EDDM3B: variants seen among roughly 807,000 people sequenced by gnomAD.
EDDM3B encodes the protein epididymal protein 3B.
For synonymous variants in EDDM3B, 71 were observed against 59.1 expected, an observed-to-expected ratio of 1.20 and a Z score of -0.92; for missense variants, 189 against 178.3, an observed-to-expected ratio of 1.06 and a Z score of -0.34.
chr14:20,770,275 G>A lies in EDDM3B; in HGVS notation c.125G>A (p.Ser42Asn). The change falls in exon 2 of 2, where the codon AGT becomes AAT. Residue 42 changes from serine (S) to asparagine (N), a missense_variant. Ser to Asn is a conservative substitution (Grantham distance 46, BLOSUM62 1). Transcript: ENST00000326783. ...EFMKQHYLSP[S>N]REFREYKCDV... ...ATGAAACAGCACTACTTAAGTCCAA[G>A]TCGAGAATTCAGAGAGTACAAATGT... 1 of 1,614,174 alleles carries A rather than the reference G, an allele frequency of 6.2e-7. No individual in the cohort carries two copies. The highest frequency in any genetic ancestry group is 8.5e-7 in the Non-Finnish European group (1 of 1,180,022).
At position 20,770,214 on chromosome 14, in the gene EDDM3B, C is replaced by T; in HGVS notation, c.64C>T (p.Leu22Phe). ...CCTACTTTGCATCCTATGCACACTG[C>T]TTGTACAGAGCAAAGAAGTTTCTTG... The part of the protein sequence containing the change: ...LALLCILCTL[L>F]VQSKEVSWRE... The change falls in exon 2 of 2, where the codon CTT becomes TTT. Residue 22 changes from leucine to phenylalanine, a missense_variant. By Grantham distance (22) the Leu-to-Phe change is conservative. Transcript: ENST00000326783. The T allele has an allele frequency of 1.2e-6, 2 of 1,614,152 alleles. No homozygotes were observed. The highest frequency in any genetic ancestry group is 2.2e-5 in the South Asian group (2 of 91,082).
Position 20,770,430 on chromosome 14 carries a change from G to A in EDDM3B, c.280G>A (p.Val94Ile), listed in dbSNP as rs1349023390. The A allele has an allele frequency of 1.2e-6, 2 of 1,614,206 alleles. No homozygotes were observed. Among genetic ancestry groups the A allele is most frequent in the South Asian group, 1.1e-5 (1 of 91,086 alleles). Residue 94 changes from valine to isoleucine, a missense_variant, in exon 2 of 2, where the codon GTA becomes ATA. Val to Ile is a conservative substitution (Grantham distance 29). Coordinates refer to ENST00000326783, the MANE Select transcript of EDDM3B (RefSeq NM_022360.5). The stretch of plus-strand genomic sequence containing the variant: ...GATGGATCGCTTCCGAAATGCATAT[G>A]TATGGGTCCAGAATCCTCTCAAAGT... ...NWMDRFRNAY[V>I]WVQNPLKVLK...
chr14:20,770,621 G>A lies in EDDM3B; in HGVS notation c.*27G>A, dbSNP rs1878317175. On this transcript the variant is annotated 3_prime_UTR_variant, in exon 2 of 2. Coordinates refer to ENST00000326783, the MANE Select transcript of EDDM3B (RefSeq NM_022360.5). ...AAGTCTATGCACATCCTCAGGTATTGGTAGAGTATTCAGTGCTTTCTAAGT... is the reference window on the plus strand; with the variant it reads ...AAGTCTATGCACATCCTCAGGTATTAGTAGAGTATTCAGTGCTTTCTAAGT... The A allele has an allele frequency of 1.3e-6, 2 of 1,575,982 alleles. No homozygotes were observed. The highest frequency in any genetic ancestry group is 1.7e-6 in the Non-Finnish European group (2 of 1,158,358).
Position 20,770,053 on chromosome 14 carries a change from G to A in EDDM3B, c.-18-80G>A, listed in dbSNP as rs1255748227. On this transcript the variant is annotated intron_variant, in intron 1 of 1. Coordinates refer to ENST00000326783, the MANE Select transcript of EDDM3B (RefSeq NM_022360.5). ...TGCACCCAAGTGCCTGCCTGGTGGG[G>A]AAGGAATTTTAAGGTGGAGTTCAGC... 7 of 1,220,766 alleles carry A rather than the reference G, an allele frequency of 5.7e-6. No homozygotes were observed. The East Asian group carries it at 1.5e-4, about 26-fold the overall frequency. 75.6% of individuals were successfully genotyped at this position (1,220,766 alleles called of 1,614,324 possible). A position where few individuals can be genotyped will look rare whatever the true frequency, so the allele number is the denominator to read the frequency against.
At chr14:20,770,004 C>T in intron 1 of EDDM3B, 129 bp from the exon 2 acceptor site, 2 of 687,314 alleles carry the variant, frequency 2.9e-6, no homozygotes, top group Non-Finnish European at 4.8e-6. Flanking sequence ...AGCATCTTCT[C>T]ATCGGGGAAC....
At chr14:20,770,077 G>T in intron 1 of EDDM3B, 56 bp from the exon 2 acceptor site, 4 of 1,427,060 alleles carry the variant, frequency 2.8e-6, no homozygotes, top group South Asian at 1.4e-5. Flanking sequence ...GTGGAGTTCA[G>T]CTCTCTGGGC....
At position 20,770,712 on chromosome 14, in the gene EDDM3B, A is replaced by G. The variant is rs75274080; in HGVS notation, c.*118A>G. On this transcript the variant is annotated 3_prime_UTR_variant, in exon 2 of 2. Transcript: ENST00000326783. ...TTGCATTTATTTGTCAATGTTTTCCAAATACTTAGAGTTATGAATAGCATA... is the reference window on the plus strand; with the variant it reads ...TTGCATTTATTTGTCAATGTTTTCCGAATACTTAGAGTTATGAATAGCATA... 6,441 of 810,238 alleles carry G rather than the reference A, an allele frequency of 7.9e-3. 173 individuals are homozygous for G. In the East Asian group the frequency reaches 0.08, roughly 10 times the overall value. 50.2% of individuals were successfully genotyped at this position (810,238 alleles called of 1,614,324 possible).
At chr14:20,770,040 C>T (rs1210593224) in intron 1 of EDDM3B, 93 bp from the exon 2 acceptor site, 3 of 1,048,526 alleles carry the variant, frequency 2.9e-6, no homozygotes, top group East Asian at 5.1e-5. Context: ...CACCCAAGTG[C>T]CTGCCTGGTG....
intron 1 of EDDM3B, among the ~76,000 whole-genome samples, chr14:20,769,816 G>A (rs781039139): frequency 2.6e-5 from 4 of 152,198 alleles, no homozygotes; most frequent in Non-Finnish European, 5.9e-5. Flanking sequence ...AGTTGGTCTG[G>A]TAAAAAGGAG....
chr14:20,770,769 T>C lies in EDDM3B; in HGVS notation c.*175T>C. On this transcript the variant is annotated 3_prime_UTR_variant, in exon 2 of 2. Coordinates refer to ENST00000326783, the MANE Select transcript of EDDM3B (RefSeq NM_022360.5). ...TGATACCATAACTTTGCCTGTGTTG[T>C]TTCTCTGCCTGGAATACACTTTTGT... 1.7e-6 allele frequency: 1 copy of C among 604,882 alleles called. No individual in the cohort carries two copies. 37.5% of individuals were successfully genotyped at this position (604,882 alleles called of 1,614,324 possible).
rs1365783247 is a variant in EDDM3B, at chr14:20,770,364, T to C, written c.214T>C (p.Ser72Pro). Residue 72 changes from serine to proline, a missense_variant, in exon 2 of 2, where the codon TCA (serine) becomes CCA (proline). By Grantham distance (74) the Ser-to-Pro change is moderately conservative. Transcript: ENST00000326783. Reference protein sequence around the residue: ...DKSSHMFIYISWYKIEHICTS... With the variant: ...DKSSHMFIYIPWYKIEHICTS... ...GAGCTCTCACATGTTTATCTATATC[T>C]CATGGTACAAAATCGAGCATATATG... 3.7e-6 allele frequency: 6 copies of C among 1,614,074 alleles called. No homozygotes were observed. The highest frequency in any genetic ancestry group is 1.3e-5 in the African/African-American group (1 of 74,926).
intron 1 of EDDM3B, among the ~76,000 whole-genome samples, chr14:20,769,617 AT>A (rs1371330338): frequency 1.3e-5 from 2 of 152,206 alleles, no homozygotes; most frequent in Non-Finnish European, 2.9e-5. Flanking sequence ...TCATTAAGTA[AT>A]TGGAGAAGCA....
chr14:20,770,618 A>G lies in EDDM3B; in HGVS notation c.*24A>G, dbSNP rs773731069. 1.3e-6 allele frequency: 2 copies of G among 1,581,290 alleles called. No individual in the cohort carries two copies. Among genetic ancestry groups the G allele is most frequent in the Non-Finnish European group, 8.6e-7 (1 of 1,161,422 alleles). On this transcript the variant is annotated 3_prime_UTR_variant, in exon 2 of 2. Coordinates refer to ENST00000326783, the MANE Select transcript of EDDM3B (RefSeq NM_022360.5). Reference sequence around the variant, plus strand: ...AGAAAGTCTATGCACATCCTCAGGTATTGGTAGAGTATTCAGTGCTTTCTA... The same window carrying G: ...AGAAAGTCTATGCACATCCTCAGGTGTTGGTAGAGTATTCAGTGCTTTCTA...
At position 20,770,474 on chromosome 14, in the gene EDDM3B, G is replaced by C. The variant is rs767054038; in HGVS notation, c.324G>C (p.Glu108Asp). The C allele has an allele frequency of 1.9e-6, 3 of 1,614,144 alleles. No homozygotes were observed. The highest frequency in any genetic ancestry group is 2.7e-5 in the African/African-American group (2 of 75,032). The change falls in exon 2 of 2, where the codon GAG (glutamate) becomes GAC (aspartate). Residue 108 changes from glutamate to aspartate, a missense_variant. Glu to Asp is a conservative substitution (Grantham distance 45, BLOSUM62 2). Transcript: ENST00000326783. Reference sequence around the variant, plus strand: ...TCAAAGTACTCAAGTGTCACCAGGAGAATTCCAAAAATAGCTACACAGAGA... The same window carrying C: ...TCAAAGTACTCAAGTGTCACCAGGACAATTCCAAAAATAGCTACACAGAGA... ...NPLKVLKCHQ[E>D]NSKNSYTESR...
intron 1 of EDDM3B, among the ~76,000 whole-genome samples, chr14:20,769,583 A>T (rs1019688586): frequency 2.0e-5 from 3 of 152,198 alleles, no homozygotes; most frequent in African/African-American, 7.2e-5. Flanking sequence ...AAAGTGTTAT[A>T]AGGAAGTCAA....
At chr14:20,770,033 C>T in intron 1 of EDDM3B, 100 bp from the exon 2 acceptor site, 1 of 961,122 alleles carries the variant, frequency 1.0e-6, no homozygotes, top group South Asian at 1.8e-5. Flanking sequence ...AAAATTGCAC[C>T]CAAGTGCCTG....
chr14:20,770,156 A>G lies in EDDM3B; in HGVS notation c.6A>G (p.Ala2=), dbSNP rs1160056180. The G allele has an allele frequency of 4.4e-6, 7 of 1,605,134 alleles. No individual in the cohort carries two copies. In the East Asian group the frequency reaches 1.3e-4, roughly 31 times the overall value. M[A]SSLKIWGTLL... ...AGGCGGCCCCGGTGACTGAGATGGC[A>G]TCGTCTCTAAAGATCTGGGGCACAC... The change falls in exon 2 of 2, where the codon GCA becomes GCG. Residue 2 remains alanine, a synonymous_variant. Transcript: ENST00000326783.
At position 20,770,398 on chromosome 14, in the gene EDDM3B, A is replaced by G. The variant is rs769547667; in HGVS notation, c.248A>G (p.Asp83Gly). The G allele has an allele frequency of 4.3e-6, 7 of 1,614,206 alleles. No individual in the cohort carries two copies. The Admixed American group carries it at 1.2e-4, about 27-fold the overall frequency. Residue 83 changes from aspartate to glycine, a missense_variant, in exon 2 of 2, where the codon GAC (aspartate) becomes GGC (glycine). Physicochemically the swap from Asp to Gly is moderately conservative, Grantham distance 94 (BLOSUM62 -1). Transcript: ENST00000326783. ...WYKIEHICTS[D>G]NWMDRFRNAY... ...AAAATCGAGCATATATGCACTAGTGACAACTGGATGGATCGCTTCCGAAAT... is the reference window on the plus strand; with the variant it reads ...AAAATCGAGCATATATGCACTAGTGGCAACTGGATGGATCGCTTCCGAAAT...
chr14:20,770,198 C>T lies in EDDM3B; in HGVS notation c.48C>T (p.Cys16=). 1 of 1,614,066 alleles carries T rather than the reference C, an allele frequency of 6.2e-7. No individual in the cohort carries two copies. Among genetic ancestry groups the T allele is most frequent in the Non-Finnish European group, 8.5e-7 (1 of 1,179,976 alleles). The change falls in exon 2 of 2, where the codon TGC becomes TGT. Residue 16 remains cysteine, a synonymous_variant. Coordinates refer to ENST00000326783, the MANE Select transcript of EDDM3B (RefSeq NM_022360.5). ...GGGGCACACTCTTGGCCCTACTTTGCATCCTATGCACACTGCTTGTACAGA... is the reference window on the plus strand; with the variant it reads ...GGGGCACACTCTTGGCCCTACTTTGTATCCTATGCACACTGCTTGTACAGA... ...KIWGTLLALL[C]ILCTLLVQSK...
Sources: allele counts gnomAD v4.1 joint callset (sites outside exome capture counted in the v4.1 genomes callset), GRCh38; gene constraint gnomAD v4.1.1; transcripts MANE v1.5; gene names NCBI Gene and HGNC (gene_info 2026-07-23, HGNC 2026-07-21).